The following KCNE2 variants were observed in gnomAD, a reference collection of about 807,000 sequenced individuals.
KCNE2 encodes the protein potassium voltage-gated channel subfamily E member 2.
A neutral mutation model predicts 4.5 loss-of-function variants in KCNE2; 4 were observed. That is an observed-to-expected ratio of 0.89 (90% CI 0.44 to 2.03). The LOEUF is 2.03. KCNE2 is among the 30% of genes most tolerant of loss of function. KCNE2 has a pLI of 0.03. For missense variants in KCNE2, 137 were observed against 151.4 expected (o/e 0.90, Z 0.50); for synonymous variants, 57 against 55.9 (o/e 1.02, Z -0.09).
At chr21:34,367,601 T>C (rs756518677) in intron 1 of KCNE2, among the ~76,000 whole-genome samples, 1 of 152,178 alleles carries the variant, frequency 6.6e-6, no homozygotes, top group Admixed American at 6.5e-5. Context: ...GTATATTATC[T>C]TGGTGATGGT....
intron 1 of KCNE2, among the ~76,000 whole-genome samples, chr21:34,370,097 G>A (rs1425689331): frequency 1.3e-5 from 2 of 152,110 alleles, no homozygotes; most frequent in Non-Finnish European, 1.5e-5. Context: ...AAAGCATAAA[G>A]AAGAAAATAC....
intron 1 of KCNE2, among the ~76,000 whole-genome samples, chr21:34,368,473 G>A (rs1979441871): frequency 6.6e-6 from 1 of 151,572 alleles, no homozygotes; most frequent in South Asian, 2.1e-4. Context: ...AGTGGCGGTT[G>A]CCTGTAGTCC....
rs531397232 is a variant in KCNE2, at chr21:34,371,133, A to G, written c.*283A>G. On this transcript the variant is annotated 3_prime_UTR_variant, in exon 2 of 2. Transcript: ENST00000290310. ...AATATCAATGATGAAAATAAAGCCAAATTTGAAGTAAAGTGTCTGGGCAGT... is the reference window on the plus strand; with the variant it reads ...AATATCAATGATGAAAATAAAGCCAGATTTGAAGTAAAGTGTCTGGGCAGT... The G allele has an allele frequency of 3.6e-5, 17 of 466,978 alleles. No homozygotes were observed. The South Asian group carries it at 3.9e-4, about 11-fold the overall frequency. The allele number at this position is 466,978 out of a possible 1,614,324, so 28.9% of individuals were successfully genotyped here.
At chr21:34,365,982 A>C (rs986758045) in intron 1 of KCNE2, among the ~76,000 whole-genome samples, 2 of 152,206 alleles carry the variant, frequency 1.3e-5, no homozygotes, top group African/African-American at 4.8e-5. Flanking sequence ...GCACTTAGAC[A>C]TTTAATCCCT....
chr21:34,368,258 ATATG>A (rs1162809964), intron 1 of KCNE2, among the ~76,000 whole-genome samples: 3 of 96,238 alleles, frequency 3.1e-5, no homozygotes, highest in Non-Finnish European at 6.0e-5. Flanking sequence ...ATATATATAT[ATATG>A]TATGTTATAT....
intron 1 of KCNE2, among the ~76,000 whole-genome samples, chr21:34,369,017 A>G (rs1359235685): frequency 6.6e-6 from 1 of 152,032 alleles, no homozygotes; most frequent in Non-Finnish European, 1.5e-5. Flanking sequence ...GAGAAAGGCA[A>G]AGGCATTCTA....
chr21:34,370,939 GAAGA>G lies in KCNE2; in HGVS notation c.*93_*96del. 5.8e-6 allele frequency: 9 copies of G among 1,538,758 alleles called. No homozygotes were observed. In the Middle Eastern group the frequency reaches 7.0e-4, roughly 119 times the overall value. On this transcript the variant is annotated 3_prime_UTR_variant, in exon 2 of 2. Coordinates refer to ENST00000290310, the MANE Select transcript of KCNE2 (RefSeq NM_172201.2). ...GGCAAATCCAAATTGTCTTTGCTTA[GAAGA>G]AAGTGAGTTCCTTGCTCTCTGTTGA...
chr21:34,370,492 C>T lies in KCNE2; in HGVS notation c.14C>T (p.Ser5Phe), dbSNP rs2123423461. Residue 5 changes from serine (S) to phenylalanine (F), a missense_variant, in exon 2 of 2, where the codon TCC becomes TTC. By Grantham distance (155) the Ser-to-Phe change is radical (BLOSUM62 -2). Coordinates refer to ENST00000290310, the MANE Select transcript of KCNE2 (RefSeq NM_172201.2). ...CAGGAGGGAAGCATGTCTACTTTAT[C>T]CAATTTCACACAGACGCTGGAAGAC... MSTL[S>F]NFTQTLEDVF... The T allele has an allele frequency of 1.2e-6, 2 of 1,614,172 alleles. No individual in the cohort carries two copies. The highest frequency in any genetic ancestry group is 1.7e-6 in the Non-Finnish European group (2 of 1,180,036).
intron 1 of KCNE2, among the ~76,000 whole-genome samples, chr21:34,368,081 T>C (rs1979384215): frequency 6.6e-6 from 1 of 151,350 alleles, no homozygotes; most frequent in Non-Finnish European, 1.5e-5. Context: ...GCACTTTAAT[T>C]CATGCATCAA....
intron 1 of KCNE2, among the ~76,000 whole-genome samples, chr21:34,367,884 T>A (rs1010479629): frequency 6.6e-6 from 1 of 152,080 alleles, no homozygotes; most frequent in African/African-American, 2.4e-5. Context: ...TCTAGCTGTG[T>A]TGAAACCCAC....
In KCNE2 at chr21:34,364,166, A is replaced by G. The variant is rs1204644399; in HGVS notation, c.-13+15A>G. Reference sequence around the variant, plus strand: ...ACACTGCATAGGTAAGTCTTAGCACACATTCTTTATTTTTTGAGGAATTAA... The same window carrying G: ...ACACTGCATAGGTAAGTCTTAGCACGCATTCTTTATTTTTTGAGGAATTAA... On this transcript the variant is annotated intron_variant, in intron 1 of 1. Coordinates refer to ENST00000290310, the MANE Select transcript of KCNE2 (RefSeq NM_172201.2). 2.0e-5 allele frequency: 3 copies of G among 152,208 alleles called. No homozygotes were observed. Among genetic ancestry groups the G allele is most frequent in the Non-Finnish European group, 4.4e-5 (3 of 68,034 alleles). The allele number at this position is 152,208 out of a possible 1,614,324, so 9.4% of individuals were successfully genotyped here.
At chr21:34,368,244 A>C (rs1409898542) in intron 1 of KCNE2, among the ~76,000 whole-genome samples, 21 of 122,750 alleles carry the variant, frequency 1.7e-4, no homozygotes, top group African/African-American at 7.8e-4. Flanking sequence ...ATATATATAT[A>C]TATATATATA....
intron 1 of KCNE2, among the ~76,000 whole-genome samples, chr21:34,368,225 ACACAATATATATAT>A (rs1178810028): frequency 1.5e-5 from 1 of 68,528 alleles, no homozygotes; most frequent in Admixed American, 2.0e-4. Context: ...ACACACACAC[ACACAATATATATAT>A]ATATATATAT....
intron 1 of KCNE2, among the ~76,000 whole-genome samples, chr21:34,368,197 TCA>T (rs534677357): frequency 0.01 from 946 of 93,004 alleles, 13 homozygotes; most frequent in African/African-American, 0.026. Flanking sequence ...AAACCAATAA[TCA>T]CACACACACA....
chr21:34,366,591 C>T (rs1979303451), intron 1 of KCNE2, among the ~76,000 whole-genome samples: 2 of 152,158 alleles, frequency 1.3e-5, no homozygotes, highest in South Asian at 4.2e-4. Context: ...CATCGGGACT[C>T]AGTTACTGAA....
At chr21:34,366,047 C>T (rs898028484) in intron 1 of KCNE2, among the ~76,000 whole-genome samples, 1 of 152,158 alleles carries the variant, frequency 6.6e-6, no homozygotes, top group African/African-American at 2.4e-5. Context: ...TCCTGACCGG[C>T]TTAGCAGTGG....
intron 1 of KCNE2, among the ~76,000 whole-genome samples, chr21:34,369,026 T>C (rs1979465094): frequency 6.6e-6 from 1 of 151,970 alleles, no homozygotes. Flanking sequence ...AAAGGCATTC[T>C]AGGTTGAGAG....
chr21:34,367,348 T>C (rs964304090), intron 1 of KCNE2, among the ~76,000 whole-genome samples: 2 of 152,112 alleles, frequency 1.3e-5, no homozygotes, highest in African/African-American at 4.8e-5. Context: ...AAAGAGCCAG[T>C]GGCAAAGTCT....
intron 1 of KCNE2, among the ~76,000 whole-genome samples, 176 bp downstream of exon 1, chr21:34,364,327 T>G (rs1979202602): frequency 6.6e-6 from 1 of 152,180 alleles, no homozygotes; most frequent in Non-Finnish European, 1.5e-5. Context: ...TTAATTGCCT[T>G]AGAATGAAAA....
Sources: gnomAD v4.1 joint callset for allele counts (sites outside exome capture counted in the v4.1 genomes callset) on GRCh38, gnomAD v4.1.1 for gene constraint, MANE v1.5 for transcripts, NCBI Gene and HGNC (gene_info 2026-07-23, HGNC 2026-07-21) for gene names.